The following DNER variants were observed in gnomAD, a reference collection of about 807,000 sequenced individuals.
DNER encodes the protein delta and Notch-like epidermal growth factor-related receptor.
In DNER, 33 loss-of-function variants were observed where a neutral mutation model predicts 78.2. The observed-to-expected ratio is 0.42, with a 90% CI of 0.32 to 0.56. DNER has a LOEUF of 0.56. Ranked by LOEUF, DNER falls within the 20% of genes least tolerant of loss-of-function variation. The probability of loss-of-function intolerance (pLI) is 0.11; values close to 1 mark genes in which losing one functional copy is unlikely to be tolerated. For missense variants in DNER, 918 were observed against 975.3 expected (o/e 0.94, Z 0.78); for synonymous variants, 417 against 384.8 (o/e 1.08, Z -0.98).
At chr2:229,573,188 A>G (rs909019457) in intron 4 of DNER, among the ~76,000 whole-genome samples, 40 of 152,232 alleles carry the variant, frequency 2.6e-4, no homozygotes, top group Admixed American at 2.4e-3. Context: ...CCAAGCAAAT[A>G]TAACTTTTGT....
At chr2:229,499,140 C>A (rs1389626061) in intron 6 of DNER, among the ~76,000 whole-genome samples, 1 of 152,024 alleles carries the variant, frequency 6.6e-6, no homozygotes, top group Non-Finnish European at 1.5e-5. Flanking sequence ...AACAATGATG[C>A]CAAGAACATA....
intron 1 of DNER, among the ~76,000 whole-genome samples, chr2:229,701,641 G>T (rs927040071): frequency 1.3e-5 from 2 of 152,214 alleles, no homozygotes; most frequent in African/African-American, 4.8e-5. Context: ...GGTAGGTGAG[G>T]TCTTAAAGAA....
intron 1 of DNER, among the ~76,000 whole-genome samples, chr2:229,627,915 A>T (rs764090254): frequency 6.6e-6 from 1 of 152,174 alleles, no homozygotes; most frequent in Non-Finnish European, 1.5e-5. Flanking sequence ...ATGGCGCAAC[A>T]ATGGTTCCCA....
At chr2:229,535,008 G>C (rs141536840) in intron 5 of DNER, among the ~76,000 whole-genome samples, 1 of 151,916 alleles carries the variant, frequency 6.6e-6, no homozygotes, top group African/African-American at 2.4e-5. Flanking sequence ...GCTAATTTCT[G>C]TATTTTTAGT....
At chr2:229,572,877 C>A (rs1697240158) in intron 4 of DNER, among the ~76,000 whole-genome samples, 1 of 152,094 alleles carries the variant, frequency 6.6e-6, no homozygotes. Flanking sequence ...GGACATGAGA[C>A]AACAAGATTT....
At chr2:229,685,876 G>T (rs1699474431) in intron 1 of DNER, among the ~76,000 whole-genome samples, 2 of 152,148 alleles carry the variant, frequency 1.3e-5, no homozygotes, top group Admixed American at 6.5e-5. Flanking sequence ...CAAGCAAGGG[G>T]CTAAGGTCAG....
intron 6 of DNER, among the ~76,000 whole-genome samples, chr2:229,482,072 C>T (rs1453291313): frequency 2.0e-5 from 3 of 152,216 alleles, no homozygotes; most frequent in Non-Finnish European, 4.4e-5. Context: ...TTTTGATTTC[C>T]AAATGACGAA....
intron 4 of DNER, among the ~76,000 whole-genome samples, chr2:229,554,873 AAGAG>A (rs2154213438): frequency 1.9e-5 from 1 of 51,702 alleles, no homozygotes; most frequent in Admixed American, 2.2e-4. Context: ...AAGAGAAGAG[AAGAG>A]AAGAGAAGAG....
rs114083904 is a variant in DNER, at chr2:229,611,709, C to T, written c.277-19821G>A. ...GCTTTACAGAGAAGGAAACCAAAGTCCTATGGGGTTAGATGCAGGTTTAGG... is the reference window on the plus strand; with the variant it reads ...GCTTTACAGAGAAGGAAACCAAAGTTCTATGGGGTTAGATGCAGGTTTAGG... On this transcript the variant is annotated intron_variant, in intron 1 of 12. Transcript: ENST00000341772. 6.1e-3 allele frequency among the ~76,000 whole-genome samples: 929 copies of T among 152,314 alleles called. 8 individuals are homozygous for T. The highest frequency in any genetic ancestry group is 0.022 in the African/African-American group (896 of 41,566).
At chr2:229,436,389 T>C (rs1444172679) in intron 8 of DNER, among the ~76,000 whole-genome samples, 2 of 152,176 alleles carry the variant, frequency 1.3e-5, no homozygotes, top group African/African-American at 4.8e-5. Flanking sequence ...TTTGCTATTG[T>C]GAATAGCGCT....
chr2:229,484,973 C>A (rs1574864084), intron 6 of DNER, among the ~76,000 whole-genome samples: 1 of 152,192 alleles, frequency 6.6e-6, no homozygotes, highest in Admixed American at 6.5e-5. Flanking sequence ...AATTCAAAGC[C>A]GTTGTAAAAT....
At chr2:229,578,916 G>A (rs1410946612) in intron 4 of DNER, among the ~76,000 whole-genome samples, 1 of 152,128 alleles carries the variant, frequency 6.6e-6, no homozygotes, top group Middle Eastern at 3.2e-3. Flanking sequence ...GATAAACAGA[G>A]AACTCAAGAA....
chr2:229,585,938 C>T lies in DNER; in HGVS notation c.767G>A (p.Arg256Gln), dbSNP rs772555280. 7 of 1,614,112 alleles carry T rather than the reference C, an allele frequency of 4.3e-6. No individual in the cohort carries two copies. Among genetic ancestry groups the T allele is most frequent in the African/African-American group, 2.7e-5 (2 of 75,028 alleles). ...GFQQCSLIDG[R>Q]SVTPLQASGG... The stretch of plus-strand genomic sequence containing the variant: ...TGAAGCCTGAAGGGGGGTCACACTT[C>T]GTCCATCTATGAGGGAGCACTGTTG... Residue 256 changes from arginine (R) to glutamine (Q), a missense_variant, in exon 4 of 13, where the codon CGA (arginine) becomes CAA (glutamine). By Grantham distance (43) the Arg-to-Gln change is conservative. Coordinates refer to ENST00000341772, the MANE Select transcript of DNER (RefSeq NM_139072.4).
At chr2:229,576,704 G>T (rs1222077273) in intron 4 of DNER, among the ~76,000 whole-genome samples, 1 of 152,156 alleles carries the variant, frequency 6.6e-6, no homozygotes, top group Non-Finnish European at 1.5e-5. Flanking sequence ...CTGTCAATGT[G>T]ATTAGCAGAA....
At chr2:229,415,510 A>G (rs937030016) in intron 9 of DNER, among the ~76,000 whole-genome samples, 2 of 152,166 alleles carry the variant, frequency 1.3e-5, no homozygotes, top group African/African-American at 4.8e-5. Flanking sequence ...CAGAAGGCGG[A>G]TCTACTTTTT....
intron 5 of DNER, among the ~76,000 whole-genome samples, chr2:229,531,074 ACATT>A (rs1321006429): frequency 3.9e-5 from 6 of 152,160 alleles, no homozygotes; most frequent in Admixed American, 2.0e-4. Flanking sequence ...GCCTTATTTT[ACATT>A]CCCTAGAAAC....
At position 229,540,872 on chromosome 2, in the gene DNER, G is replaced by A. The variant is rs144485383; in HGVS notation, c.993+6075C>T. 2.9e-3 allele frequency among the ~76,000 whole-genome samples: 442 copies of A among 152,336 alleles called. 2 individuals carry two copies. Among genetic ancestry groups the A allele is most frequent in the African/African-American group, 0.01 (430 of 41,570 alleles). On this transcript the variant is annotated intron_variant, in intron 5 of 12. Transcript: ENST00000341772. ...TATCCGATCCTAATAGATTAAGGAT[G>A]GTGGGTTCCTAAGGCAAGAGACAGT...
At chr2:229,480,727 A>G (rs1695139582) in intron 6 of DNER, among the ~76,000 whole-genome samples, 1 of 152,214 alleles carries the variant, frequency 6.6e-6, no homozygotes, top group East Asian at 1.9e-4. Context: ...TTAATAACAG[A>G]GTTGTCACAC....
intron 5 of DNER, among the ~76,000 whole-genome samples, chr2:229,540,930 C>A (rs566773109): frequency 2.0e-5 from 3 of 152,194 alleles, no homozygotes; most frequent in Non-Finnish European, 4.4e-5. Flanking sequence ...AGAGTGGAGG[C>A]CTGATCCCAT....
Sources: gnomAD v4.1 joint callset for allele counts (sites outside exome capture counted in the v4.1 genomes callset) on GRCh38, gnomAD v4.1.1 for gene constraint, MANE v1.5 for transcripts, NCBI Gene and HGNC (gene_info 2026-07-23, HGNC 2026-07-21) for gene names.